The following SYPL2 variants were observed in gnomAD, a reference collection of about 807,000 sequenced individuals.
SYPL2 encodes synaptophysin-like protein 2.
In SYPL2, 24 loss-of-function variants were observed where a neutral mutation model predicts 31.3. That is an observed-to-expected ratio of 0.77 (90% CI 0.56 to 1.08). The LOEUF is 1.08. Among genes scored for constraint, SYPL2 ranks in the 50% least tolerant of loss-of-function variants. SYPL2 has a pLI of 0.00. For synonymous variants in SYPL2, 144 were observed against 143.1 expected, an observed-to-expected ratio of 1.01 and a Z score of -0.05; for missense variants, 342 against 360.1, an observed-to-expected ratio of 0.95 and a Z score of 0.41.
Position 109,479,463 on chromosome 1 carries a change from GCCAGGA to G in SYPL2, c.758_763del (p.Asp253_Gln254del), listed in dbSNP as rs762238803. On this transcript the variant is annotated inframe_deletion, in exon 6 of 6. Transcript: ENST00000369872. ...ACCCCGTGGCATGGACAGGGCCAGG[GCCAGGA>G]CCAGGACCAGGACCAGGACCAGGGC... 5.4e-5 allele frequency: 87 copies of G among 1,614,136 alleles called. No individual in the cohort carries two copies. The highest frequency in any genetic ancestry group is 2.7e-4 in the Admixed American group (16 of 60,026).
chr1:109,474,323 CTTTTT>C (rs67683974), intron 2 of SYPL2, among the ~76,000 whole-genome samples: 3 of 75,426 alleles, frequency 4.0e-5, no homozygotes, highest in East Asian at 2.4e-4. Flanking sequence ...CTTTTCTTTT[CTTTTT>C]TTTTTTTTTT....
intron 4 of SYPL2, 92 bp from the exon 5 acceptor site, chr1:109,477,726 C>G: frequency 4.0e-6 from 6 of 1,518,058 alleles, no homozygotes; most frequent in Middle Eastern, 3.6e-4. Context: ...GTCCTGGCAC[C>G]CTGGGATTGC....
chr1:109,469,831 A>AAAAAAAAAAAAAAAAAAG, intron 2 of SYPL2, among the ~76,000 whole-genome samples: 1 of 19,516 alleles, frequency 5.1e-5, no homozygotes, highest in Non-Finnish European at 1.4e-4. Context: ...TTGTCTCAAA[A>AAAAAAAAAAAAAAAAAAG]AAAAAAAAAA....
chr1:109,479,285 A>G, intron 5 of SYPL2, 93 bp from the exon 6 acceptor site: 1 of 1,434,568 alleles, frequency 7.0e-7, no homozygotes. Context: ...TTCCCTGCAC[A>G]AGCCCCAACC....
At chr1:109,474,264 G>GTGGA (rs556084103) in intron 2 of SYPL2, among the ~76,000 whole-genome samples, 131 of 151,832 alleles carry the variant, frequency 8.6e-4, no homozygotes, top group African/African-American at 3.0e-3. Context: ...AGCAGATGAT[G>GTGGA]TGGAGGATAA....
At chr1:109,474,946 C>T (rs1655950460) in intron 2 of SYPL2, among the ~76,000 whole-genome samples, 1 of 152,228 alleles carries the variant, frequency 6.6e-6, no homozygotes, top group Admixed American at 6.5e-5. Flanking sequence ...TGCTAGAAGG[C>T]CATGTGCCTT....
chr1:109,466,833 G>C lies in SYPL2; in HGVS notation c.-11G>C. The stretch of plus-strand genomic sequence containing the variant: ...AGCCACCACGCCGCGCCCAGCGCTC[G>C]CCGCGCCAGCATGTCCTCGACCGAG... On this transcript the variant is annotated 5_prime_UTR_variant, in exon 1 of 6. Coordinates refer to ENST00000369872, the MANE Select transcript of SYPL2 (RefSeq NM_001040709.2). 1 of 1,506,508 alleles carries C rather than the reference G, an allele frequency of 6.6e-7. No individual in the cohort carries two copies. Among genetic ancestry groups the C allele is most frequent in the Non-Finnish European group, 8.8e-7 (1 of 1,131,410 alleles). The allele number at this position is 1,506,508 out of a possible 1,614,324, so 93.3% of individuals were successfully genotyped here.
At chr1:109,472,758 G>C (rs1245639404) in intron 2 of SYPL2, among the ~76,000 whole-genome samples, 1 of 151,668 alleles carries the variant, frequency 6.6e-6, no homozygotes, top group Non-Finnish European at 1.5e-5. Flanking sequence ...ACTATTAGCA[G>C]GCACCACCAT....
chr1:109,471,710 C>T (rs1367227539), intron 2 of SYPL2, among the ~76,000 whole-genome samples: 1 of 151,974 alleles, frequency 6.6e-6, no homozygotes, highest in Admixed American at 6.6e-5. Flanking sequence ...CCACCACACC[C>T]GGCCTGAACT....
intron 2 of SYPL2, among the ~76,000 whole-genome samples, chr1:109,468,116 C>A (rs1039699417): frequency 8.5e-5 from 13 of 152,226 alleles, no homozygotes; most frequent in African/African-American, 3.1e-4. Flanking sequence ...GGAATGTGGA[C>A]AGGTGCAGTC....
At chr1:109,467,033 C>T in intron 1 of SYPL2, 26 bp from the exon 2 acceptor site, 3 of 148,224 alleles carry the variant, frequency 2.0e-5, no homozygotes, top group Middle Eastern at 2.4e-3. Context: ...ACCGCCCTGA[C>T]CCCCCGGCCG....
At chr1:109,471,790 A>T (rs1007066336) in intron 2 of SYPL2, among the ~76,000 whole-genome samples, 1 of 151,464 alleles carries the variant, frequency 6.6e-6, no homozygotes, top group African/African-American at 2.4e-5. Context: ...ATCATAGCTC[A>T]TTGCAGCCTT....
rs552340097 is a variant in SYPL2 at position 109,472,451 on chromosome 1, G to T, written c.130-3130G>T. On this transcript the variant is annotated intron_variant, in intron 2 of 5. Coordinates refer to ENST00000369872, the MANE Select transcript of SYPL2 (RefSeq NM_001040709.2). ...ATAGTGCCTGGAACCATGCATAGTA[G>T]GCACTGTACATGCTAGGCATAGTAC... 4.6e-5 allele frequency among the ~76,000 whole-genome samples: 7 copies of T among 151,804 alleles called. No homozygotes were observed. The South Asian group carries it at 1.5e-3, about 32-fold the overall frequency.
At position 109,476,936 on chromosome 1, in the gene SYPL2, T is replaced by A. The variant is rs1258757343; in HGVS notation, c.415T>A (p.Phe139Ile). 6.2e-7 allele frequency: 1 copy of A among 1,614,142 alleles called. No individual in the cohort carries two copies. The highest frequency in any genetic ancestry group is 8.5e-7 in the Non-Finnish European group (1 of 1,180,032). The stretch of plus-strand genomic sequence containing the variant: ...GGCTGCCCTAGTTATCTACCTGCGC[T>A]TCCACAACCTCTACACAGAGAACAA... ...TMAALVIYLR[F>I]HNLYTENKRF... is the part of the protein sequence containing the mutation. Residue 139 changes from phenylalanine (F) to isoleucine (I), a missense_variant, in exon 4 of 6, where the codon TTC becomes ATC. Transcript: ENST00000369872.
chr1:109,478,117 C>G lies in SYPL2; in HGVS notation c.648+108C>G, dbSNP rs1438685597. The G allele has an allele frequency of 6.7e-7, 1 of 1,491,800 alleles. No individual in the cohort carries two copies. The highest frequency in any genetic ancestry group is 1.4e-5 in the African/African-American group (1 of 72,098). The allele number at this position is 1,491,800 out of a possible 1,614,324, so 92.4% of individuals were successfully genotyped here. A position where few individuals can be genotyped will look rare whatever the true frequency, so the allele number is the denominator to read the frequency against. On this transcript the variant is annotated intron_variant, in intron 5 of 5. Coordinates refer to ENST00000369872, the MANE Select transcript of SYPL2 (RefSeq NM_001040709.2). This position sits in a 1 kb window ranked among gnomAD's most constrained non-coding sequence, Gnocchi z 4.0. ...GAGGGTGTCCCAGAGCTGGTGTCCC[C>G]TGCACCTGGAGCTGGTGCCCTCACT...
Position 109,479,794 on chromosome 1 carries a change from A to T in SYPL2, c.*246A>T, listed in dbSNP as rs113377958. On this transcript the variant is annotated 3_prime_UTR_variant, in exon 6 of 6. Transcript: ENST00000369872. Reference sequence around the variant, plus strand: ...TGCTTCTTGTGCAGTGCCTGGACCCAGGTATCTTACTTGGGGTCTTACTTG... The same window carrying T: ...TGCTTCTTGTGCAGTGCCTGGACCCTGGTATCTTACTTGGGGTCTTACTTG... 945 of 552,100 alleles carry T rather than the reference A, an allele frequency of 1.7e-3. 14 individuals carry two copies. The highest frequency in any genetic ancestry group is 0.016 in the African/African-American group (876 of 53,284). 34.2% of individuals were successfully genotyped at this position (552,100 alleles called of 1,614,324 possible). A position where few individuals can be genotyped will look rare whatever the true frequency, so the allele number is the denominator to read the frequency against.
rs572729910 is a variant in SYPL2, at chr1:109,479,599, C to T, written c.*51C>T. 1.7e-4 allele frequency: 262 copies of T among 1,581,110 alleles called. 2 individuals are homozygous for T. In the South Asian group the frequency reaches 2.9e-3, roughly 17 times the overall value. On this transcript the variant is annotated 3_prime_UTR_variant, in exon 6 of 6. Coordinates refer to ENST00000369872, the MANE Select transcript of SYPL2 (RefSeq NM_001040709.2). ...AACTGGACAGCACCTCTTCAACCAC[C>T]TCCGGCTTCCAGGACCTTTCTCTTC...
At chr1:109,476,120 C>T (rs1655991573) in intron 3 of SYPL2, among the ~76,000 whole-genome samples, 1 of 152,168 alleles carries the variant, frequency 6.6e-6, no homozygotes, top group South Asian at 2.1e-4. Context: ...GTGGGATCCT[C>T]AGCCAGTACG....
At chr1:109,473,563 T>C (rs1308696717) in intron 2 of SYPL2, among the ~76,000 whole-genome samples, 1 of 152,040 alleles carries the variant, frequency 6.6e-6, no homozygotes, top group Non-Finnish European at 1.5e-5. Context: ...GTTCCAGGGC[T>C]GGAAAGGGCC....
Sources: allele counts gnomAD v4.1 joint callset (sites outside exome capture counted in the v4.1 genomes callset), GRCh38; gene constraint gnomAD v4.1.1; non-coding constraint Gnocchi (gnomAD v3.1); transcripts MANE v1.5; gene names NCBI Gene and HGNC (gene_info 2026-07-23, HGNC 2026-07-21).